Variants in ALKBH1 observed in about 807,000 individuals in gnomAD.
ALKBH1 encodes alkB homolog 1, histone H2A dioxygenase.
In ALKBH1, 31 loss-of-function variants were observed where a neutral mutation model predicts 36.6. That is an observed-to-expected ratio of 0.85 (90% CI 0.64 to 1.14). The LOEUF is 1.14. Among genes scored for constraint, ALKBH1 ranks in the 50% most tolerant of loss-of-function variants. The pLI is 0.00. For missense variants in ALKBH1, 490 were observed against 497.3 expected (o/e 0.99, Z 0.14); for synonymous variants, 183 against 186.6 (o/e 0.98, Z 0.16).
intron 3 of ALKBH1, chr14:77,683,079 T>C (rs1317831837): frequency 4.3e-6 from 2 of 469,010 alleles, no homozygotes; most frequent in Non-Finnish European, 7.6e-6. Flanking sequence ...CTTGAACTCC[T>C]TACCTCAAGC....
At chr14:77,680,122 C>A (rs191788901) in intron 3 of ALKBH1, 152 bp from the exon 4 acceptor site, 2 of 598,848 alleles carry the variant, frequency 3.3e-6, no homozygotes, top group East Asian at 5.5e-5. Context: ...ATGAGTAGAC[C>A]ACAGATACAT....
chr14:77,675,610 G>T (rs772168942), intron 5 of ALKBH1, 46 bp downstream of exon 5: 18 of 1,516,940 alleles, frequency 1.2e-5, no homozygotes, highest in Admixed American at 1.9e-5. Flanking sequence ...TTAGAAAAAA[G>T]AATTAAATGA....
At chr14:77,705,140 C>T (rs1440027872) in intron 1 of ALKBH1, among the ~76,000 whole-genome samples, 11 of 152,094 alleles carry the variant, frequency 7.2e-5, no homozygotes, top group African/African-American at 1.4e-4. Flanking sequence ...GAAGGCCGGT[C>T]GCAGTGGCTC....
intron 2 of ALKBH1, among the ~76,000 whole-genome samples, chr14:77,696,374 G>A (rs531992833): frequency 6.6e-6 from 1 of 152,136 alleles, no homozygotes; most frequent in African/African-American, 2.4e-5. Context: ...ATTTTCAGTA[G>A]AGACGGGGTT....
intron 2 of ALKBH1, among the ~76,000 whole-genome samples, chr14:77,699,343 T>C (rs2080346010): frequency 6.6e-6 from 1 of 152,240 alleles, no homozygotes; most frequent in Non-Finnish European, 1.5e-5. Context: ...CTTTTCCTCT[T>C]TTCTCTTTGG....
intron 3 of ALKBH1, among the ~76,000 whole-genome samples, chr14:77,687,195 C>T (rs963083410): frequency 1.3e-5 from 2 of 152,186 alleles, no homozygotes; most frequent in African/African-American, 2.4e-5. Context: ...ACTTTCCTCC[C>T]CCACACCACT....
chr14:77,695,817 G>A (rs7492501), intron 2 of ALKBH1, among the ~76,000 whole-genome samples: 13,963 of 152,186 alleles, frequency 0.092, 720 homozygotes, highest in Non-Finnish European at 0.11. Flanking sequence ...ATAATAGGCC[G>A]GGCGTGGTGG....
intron 5 of ALKBH1, among the ~76,000 whole-genome samples, chr14:77,675,371 T>C (rs1466392429): frequency 1.3e-5 from 2 of 151,384 alleles, no homozygotes; most frequent in Non-Finnish European, 2.9e-5. Flanking sequence ...GAGGCGGAGG[T>C]TGAAGTGAGC....
Position 77,675,855 on chromosome 14 carries a change from G to A in ALKBH1, c.547-6C>T. The A allele has an allele frequency of 2.5e-6, 4 of 1,607,802 alleles. No homozygotes were observed. Among genetic ancestry groups the A allele is most frequent in the Middle Eastern group, 1.7e-4 (1 of 6,038 alleles). ...TAATGATCTGCTGAGTATTTCTTTGGTAAATGTAGAGAGAATAAGAAAAAT... is the reference window on the plus strand; with the variant it reads ...TAATGATCTGCTGAGTATTTCTTTGATAAATGTAGAGAGAATAAGAAAAAT... On this transcript the variant is annotated splice_polypyrimidine_tract_variant and splice_region_variant and intron_variant, in intron 4 of 5. Transcript: ENST00000216489.
chr14:77,694,385 G>A (rs1273099200), intron 3 of ALKBH1, among the ~76,000 whole-genome samples: 1 of 152,166 alleles, frequency 6.6e-6, no homozygotes, highest in African/African-American at 2.4e-5. Context: ...AAGAGCTTTC[G>A]ATGTTACCTT....
At chr14:77,674,580 G>A (rs1318010048) in intron 5 of ALKBH1, among the ~76,000 whole-genome samples, 6 of 152,102 alleles carry the variant, frequency 3.9e-5, no homozygotes, top group Admixed American at 2.6e-4. Flanking sequence ...GCCTTATTTC[G>A]TCACCCAGGC....
chr14:77,694,670 A>G lies in ALKBH1; in HGVS notation c.455+68T>C, dbSNP rs1016180851. Reference sequence around the variant, plus strand: ...CACTTTTACTGCATTGTTATAGAACAGTTCCTTCAAAGACCTGTGATGATC... The same window carrying G: ...CACTTTTACTGCATTGTTATAGAACGGTTCCTTCAAAGACCTGTGATGATC... On this transcript the variant is annotated intron_variant, in intron 3 of 5. Transcript: ENST00000216489. 5.4e-6 allele frequency: 7 copies of G among 1,304,514 alleles called. No homozygotes were observed. In the South Asian group the frequency reaches 9.1e-5, roughly 17 times the overall value. 80.8% of individuals were successfully genotyped at this position (1,304,514 alleles called of 1,614,324 possible).
At chr14:77,684,359 ATTCTTT>A (rs1193016613) in intron 3 of ALKBH1, among the ~76,000 whole-genome samples, 1 of 139,692 alleles carries the variant, frequency 7.2e-6, no homozygotes, top group African/African-American at 2.5e-5. Flanking sequence ...AGATTGCTTT[ATTCTTT>A]TTCTTTTTTT....
chr14:77,688,308 G>A (rs1343259855), intron 3 of ALKBH1, among the ~76,000 whole-genome samples: 2 of 150,834 alleles, frequency 1.3e-5, no homozygotes, highest in African/African-American at 4.9e-5. Context: ...CCAGGCTGGA[G>A]TGCAGTGGCG....
chr14:77,692,402 G>A (rs1373623442), intron 3 of ALKBH1, among the ~76,000 whole-genome samples: 1 of 150,112 alleles, frequency 6.7e-6, no homozygotes, highest in Non-Finnish European at 1.5e-5. Flanking sequence ...TGGGGATGGG[G>A]GGTGGTTTGG....
rs113932692 is a variant in ALKBH1, at chr14:77,695,210, C to T, written c.293-310G>A. Among the ~76,000 whole-genome samples the T allele has an allele frequency of 6.2e-3, 941 of 152,326 alleles. 10 individuals carry two copies. The highest frequency in any genetic ancestry group is 0.022 in the African/African-American group (911 of 41,570). On this transcript the variant is annotated intron_variant, in intron 2 of 5. Transcript: ENST00000216489. Reference sequence around the variant, plus strand: ...TTTATCAGGTCTTGACACTTAGAGTCATCCGAGACTTCTTTACCTCCCTAT... The same window carrying T: ...TTTATCAGGTCTTGACACTTAGAGTTATCCGAGACTTCTTTACCTCCCTAT...
At chr14:77,701,263 CAT>C (rs1446842429) in intron 2 of ALKBH1, among the ~76,000 whole-genome samples, 1 of 152,208 alleles carries the variant, frequency 6.6e-6, no homozygotes, top group Non-Finnish European at 1.5e-5. Flanking sequence ...AAGCAGTTAA[CAT>C]ATACATTAAC....
At chr14:77,688,936 AG>A (rs1323329926) in intron 3 of ALKBH1, among the ~76,000 whole-genome samples, 1 of 122,788 alleles carries the variant, frequency 8.1e-6, no homozygotes, top group Non-Finnish European at 1.8e-5. Flanking sequence ...CTCCACTACC[AG>A]AGTTATTTTT....
chr14:77,688,479 C>G (rs1050283485), intron 3 of ALKBH1, among the ~76,000 whole-genome samples: 2 of 151,474 alleles, frequency 1.3e-5, no homozygotes, highest in East Asian at 1.9e-4. Flanking sequence ...TGGTCTTGAT[C>G]TCTTGACCTC....
Sources: allele counts gnomAD v4.1 joint callset (sites outside exome capture counted in the v4.1 genomes callset), GRCh38; gene constraint gnomAD v4.1.1; transcripts MANE v1.5; gene names NCBI Gene and HGNC (gene_info 2026-07-23, HGNC 2026-07-21).